TENM3: variants seen among roughly 807,000 people sequenced by gnomAD.
The protein encoded by TENM3 is teneurin-3.
TENM3 carries 63 observed loss-of-function variants against 255.1 expected under a neutral mutation model. The ratio of observed to expected loss-of-function variants is 0.25; its 90% CI spans 0.20 to 0.30. The LOEUF is 0.30. Ranked by LOEUF, TENM3 falls within the 10% of genes least tolerant of loss-of-function variation. TENM3 has a pLI of 1.00. For synonymous variants in TENM3, 1,306 were observed against 1,322.3 expected (o/e 0.99, Z 0.27); for missense variants, 2,929 against 3,461.1 (o/e 0.85, Z 3.86).
At chr4:182,416,552 AT>A (rs966061956) in intron 3 of TENM3, among the ~76,000 whole-genome samples, 17 of 152,046 alleles carry the variant, frequency 1.1e-4, no homozygotes, top group Admixed American at 4.6e-4. Flanking sequence ...GATTCACTAC[AT>A]TTTTTTAAGG....
chr4:181,943,182 A>G, the TENM3 span, among the ~76,000 whole-genome samples: 1 of 152,120 alleles, frequency 6.6e-6, no homozygotes, highest in Non-Finnish European at 1.5e-5. Context: ...TCCCGGGTAG[A>G]TTGTAACAAC....
At chr4:181,734,357 T>G in the TENM3 span, among the ~76,000 whole-genome samples, 1 of 152,076 alleles carries the variant, frequency 6.6e-6, no homozygotes, top group African/African-American at 2.4e-5. Context: ...ACCACTTGTT[T>G]GGGAGTTCAA....
chr4:182,745,940 C>T (rs1157521377), intron 19 of TENM3, among the ~76,000 whole-genome samples: 2 of 152,172 alleles, frequency 1.3e-5, no homozygotes, highest in African/African-American at 4.8e-5. Context: ...CTCCATAATC[C>T]TTCTCCTCTG....
chr4:182,384,325 C>G (rs952512413), intron 3 of TENM3, among the ~76,000 whole-genome samples: 1 of 72,112 alleles, frequency 1.4e-5, no homozygotes, highest in Admixed American at 1.2e-4. Flanking sequence ...TTTTTTTTTT[C>G]TTGAAAATAT....
chr4:182,650,889 A>ATATATAT (rs1554007797), intron 5 of TENM3, among the ~76,000 whole-genome samples: 19 of 29,692 alleles, frequency 6.4e-4, no homozygotes, highest in East Asian at 5.5e-3. Context: ...AATAAAAAAA[A>ATATATAT]ATATATATAT....
chr4:182,684,388 A>C (rs1036851919), intron 11 of TENM3, among the ~76,000 whole-genome samples: 2 of 139,954 alleles, frequency 1.4e-5, no homozygotes, highest in African/African-American at 5.3e-5. Flanking sequence ...GCTGAGAACC[A>C]GAACTCAGAC....
chr4:182,255,906 C>A (rs1016790925), intron 1 of TENM3, among the ~76,000 whole-genome samples: 2 of 152,188 alleles, frequency 1.3e-5, no homozygotes, highest in African/African-American at 4.8e-5. Context: ...CACGTCTTAA[C>A]TCTCACATCC....
At chr4:182,240,125 T>C (rs1757149098), upstream of TENM3, among the ~76,000 whole-genome samples, 1 of 152,192 alleles carries the variant, frequency 6.6e-6, no homozygotes. Context: ...GGATATTGGC[T>C]GTTGCCTTAA....
intron 3 of TENM3, among the ~76,000 whole-genome samples, chr4:182,571,352 C>T (rs1173751272): frequency 6.6e-6 from 1 of 152,158 alleles, no homozygotes; most frequent in Non-Finnish European, 1.5e-5. Flanking sequence ...ATGGCAAAAC[C>T]CTGTCTTTTC....
At chr4:182,574,151 AAC>A (rs776039656) in intron 3 of TENM3, among the ~76,000 whole-genome samples, 40 of 152,220 alleles carry the variant, frequency 2.6e-4, no homozygotes, top group Non-Finnish European at 5.2e-4. Context: ...TATTACAACA[AAC>A]TTGGAAATTT....
chr4:182,018,378 G>GA, the TENM3 span, among the ~76,000 whole-genome samples: 41 of 149,276 alleles, frequency 2.7e-4, 1 homozygote, highest in African/African-American at 6.4e-4. Flanking sequence ...AATGGAAGAA[G>GA]AAAAAAAAAA....
At chr4:182,392,111 T>A (rs979233639) in intron 3 of TENM3, among the ~76,000 whole-genome samples, 4 of 152,210 alleles carry the variant, frequency 2.6e-5, no homozygotes, top group Non-Finnish European at 5.9e-5. Flanking sequence ...ATTTTATCTA[T>A]AATGTTCTTT....
the TENM3 span, among the ~76,000 whole-genome samples, chr4:181,585,385 CA>C: frequency 6.6e-6 from 1 of 152,220 alleles, no homozygotes; most frequent in East Asian, 1.9e-4. Flanking sequence ...ATTGTACATT[CA>C]TCGGTCAGGA....
At chr4:181,499,757 C>T in the TENM3 span, among the ~76,000 whole-genome samples, 2 of 152,138 alleles carry the variant, frequency 1.3e-5, no homozygotes, top group Non-Finnish European at 2.9e-5. Flanking sequence ...GATTGCTGTA[C>T]ATTAAGAACT....
intron 17 of TENM3, among the ~76,000 whole-genome samples, chr4:182,737,692 A>G (rs1761276183): frequency 6.6e-6 from 1 of 152,228 alleles, no homozygotes; most frequent in African/African-American, 2.4e-5. Flanking sequence ...GAACATAAAA[A>G]ACTAAAGAAT....
the TENM3 span, among the ~76,000 whole-genome samples, chr4:182,130,205 G>C: frequency 2.0e-4 from 31 of 152,146 alleles, 1 homozygote; most frequent in Admixed American, 9.8e-4. Flanking sequence ...TTTAGTTATC[G>C]AGTTAAAGAA....
chr4:182,712,519 C>T (rs372648452), intron 12 of TENM3, among the ~76,000 whole-genome samples: 3 of 151,908 alleles, frequency 2.0e-5, no homozygotes, highest in South Asian at 2.1e-4. Flanking sequence ...ATTGTCTGAG[C>T]GAAAAGAAGC....
At chr4:181,693,179 A>T in the TENM3 span, among the ~76,000 whole-genome samples, 1 of 152,224 alleles carries the variant, frequency 6.6e-6, no homozygotes, top group Non-Finnish European at 1.5e-5. Context: ...CCTCCTGTAT[A>T]ACTATTTTAA....
chr4:182,098,452 G>A, the TENM3 span, among the ~76,000 whole-genome samples: 1 of 152,160 alleles, frequency 6.6e-6, no homozygotes, highest in Non-Finnish European at 1.5e-5. Context: ...ATCAGAGGAT[G>A]GATAAAGAAA....
Sources: allele counts gnomAD v4.1 joint callset (sites outside exome capture counted in the v4.1 genomes callset), GRCh38; gene constraint gnomAD v4.1.1; transcripts MANE v1.5; gene names NCBI Gene and HGNC (gene_info 2026-07-23, HGNC 2026-07-21).